The following DSTYK variants were observed in gnomAD, a reference collection of about 807,000 sequenced individuals.
The protein encoded by DSTYK is RIP-homologous kinase.
A neutral mutation model predicts 98.7 loss-of-function variants in DSTYK; 34 were observed. The observed-to-expected ratio is 0.34, with a 90% CI of 0.26 to 0.46. The LOEUF is 0.46. DSTYK is among the 20% of genes least tolerant of loss of function. The pLI, the probability that DSTYK is intolerant of heterozygous loss-of-function variation, is 1.00. For missense variants in DSTYK, 962 were observed against 1,181.7 expected (o/e 0.81, Z 2.73); for synonymous variants, 462 against 457.3 (o/e 1.01, Z -0.13).
rs114651224 is a variant in DSTYK at position 205,177,900 on chromosome 1, T to C, written c.655-8068A>G. On this transcript the variant is annotated intron_variant, in intron 2 of 12. Coordinates refer to ENST00000367162, the MANE Select transcript of DSTYK (RefSeq NM_015375.3). Reference sequence around the variant, plus strand: ...AAAAAGAAAAAGAAAATACCTTGACTCTTTTTGGTACATATACTTTCCAAG... The same window carrying C: ...AAAAAGAAAAAGAAAATACCTTGACCCTTTTTGGTACATATACTTTCCAAG... Among the ~76,000 whole-genome samples, 1,299 of 151,908 alleles carry C rather than the reference T, an allele frequency of 8.6e-3. 22 individuals carry two copies. The highest frequency in any genetic ancestry group is 0.03 in the African/African-American group (1,243 of 41,438).
intron 2 of DSTYK, among the ~76,000 whole-genome samples, chr1:205,186,850 C>T (rs1264854930): frequency 6.6e-6 from 1 of 152,192 alleles, no homozygotes; most frequent in Non-Finnish European, 1.5e-5. Flanking sequence ...AGGATCTCCG[C>T]GTCTCCTTAC....
intron 1 of DSTYK, among the ~76,000 whole-genome samples, chr1:205,201,574 GC>G (rs1195087660): frequency 6.6e-6 from 1 of 151,964 alleles, no homozygotes; most frequent in Non-Finnish European, 1.5e-5. Context: ...GAATTAAATT[GC>G]ATTTAATTTC....
In DSTYK at chr1:205,160,899, G is replaced by C. The variant is rs528454237; in HGVS notation, c.1948+359C>G. Among the ~76,000 whole-genome samples the C allele has an allele frequency of 1.1e-3, 166 of 151,694 alleles. 1 individual carries two copies. The highest frequency in any genetic ancestry group is 3.8e-3 in the African/African-American group (156 of 41,376). The stretch of plus-strand genomic sequence containing the variant: ...CTGGGTTCAAGTGAATCTTCTGCCT[G>C]AGCCTCCTGAGGAGCTGGGGTTGCA... On this transcript the variant is annotated intron_variant, in intron 7 of 12. Transcript: ENST00000367162.
chr1:205,170,485 T>C (rs1658026650), intron 2 of DSTYK, among the ~76,000 whole-genome samples: 1 of 152,226 alleles, frequency 6.6e-6, no homozygotes, highest in African/African-American at 2.4e-5. Context: ...TTTTGCTTAC[T>C]ATCGTAGCTC....
intron 10 of DSTYK, among the ~76,000 whole-genome samples, chr1:205,152,182 G>A (rs1164442098): frequency 6.6e-6 from 1 of 152,036 alleles, no homozygotes; most frequent in Non-Finnish European, 1.5e-5. Flanking sequence ...TTTTTTGTTT[G>A]TTTTTGTTTT....
At chr1:205,183,304 A>C (rs1658473030) in intron 2 of DSTYK, among the ~76,000 whole-genome samples, 1 of 152,212 alleles carries the variant, frequency 6.6e-6, no homozygotes, top group Admixed American at 6.5e-5. Flanking sequence ...GAAAGTGACT[A>C]TATTTGAACA....
Position 205,169,010 on chromosome 1 carries a change from G to A in DSTYK, c.1324+153C>T, listed in dbSNP as rs139535182. Among the ~76,000 whole-genome samples, 15 of 152,296 alleles carry A rather than the reference G, an allele frequency of 9.8e-5. No homozygotes were observed. The East Asian group carries it at 2.5e-3, about 26-fold the overall frequency. ...CTTTGAGAGCAAGAGAGGCCACCTT[G>A]GCTAAATAGTGGGCTCCTGCTGGTA... On this transcript the variant is annotated intron_variant, in intron 3 of 12. Coordinates refer to ENST00000367162, the MANE Select transcript of DSTYK (RefSeq NM_015375.3). This position sits in a 1 kb window ranked among gnomAD's most constrained non-coding sequence, Gnocchi z 4.0.
In DSTYK at chr1:205,211,550, CTG is replaced by C. The variant is rs1659388299; in HGVS notation, c.-17_-16del. 1 of 1,491,768 alleles carries C rather than the reference CTG, an allele frequency of 6.7e-7. No individual in the cohort carries two copies. The highest frequency in any genetic ancestry group is 1.3e-5 in the South Asian group (1 of 74,688). The allele number at this position is 1,491,768 out of a possible 1,614,324, so 92.4% of individuals were successfully genotyped here. A position where few individuals can be genotyped will look rare whatever the true frequency, so the allele number is the denominator to read the frequency against. On this transcript the variant is annotated 5_prime_UTR_variant, in exon 1 of 13. Coordinates refer to ENST00000367162, the MANE Select transcript of DSTYK (RefSeq NM_015375.3). Reference sequence around the variant, plus strand: ...TCGCCCTCCATCGCCTCTGCCCGCTCTGTCTTTGCGGCTCGGTCCCCGGCCGC... The same window carrying C: ...TCGCCCTCCATCGCCTCTGCCCGCTCTCTTTGCGGCTCGGTCCCCGGCCGC...
At chr1:205,151,821 G>A (rs1198210492) in intron 10 of DSTYK, among the ~76,000 whole-genome samples, 2 of 151,912 alleles carry the variant, frequency 1.3e-5, no homozygotes, top group African/African-American at 2.4e-5. Flanking sequence ...TGTCCCACTG[G>A]AAGGTTTTCG....
chr1:205,167,293 A>G (rs1226213051), intron 3 of DSTYK, among the ~76,000 whole-genome samples: 2 of 152,072 alleles, frequency 1.3e-5, no homozygotes, highest in Non-Finnish European at 2.9e-5. Context: ...CCAGGTGTGC[A>G]GGGGGCTGAG....
intron 1 of DSTYK, among the ~76,000 whole-genome samples, chr1:205,200,689 G>A (rs559297044): frequency 2.3e-4 from 35 of 152,302 alleles, no homozygotes; most frequent in Non-Finnish European, 4.6e-4. Flanking sequence ...ACCAATGCGT[G>A]TCCTGTGCCT....
chr1:205,151,457 T>C (rs1050296423), intron 10 of DSTYK, among the ~76,000 whole-genome samples: 2 of 151,918 alleles, frequency 1.3e-5, no homozygotes, highest in African/African-American at 4.9e-5. Context: ...TGTACAAAAA[T>C]AGTGGCTTTT....
At chr1:205,152,227 G>A (rs1001989177) in intron 10 of DSTYK, among the ~76,000 whole-genome samples, 4 of 152,178 alleles carry the variant, frequency 2.6e-5, no homozygotes, top group African/African-American at 7.2e-5. Context: ...GCCTAGGCTG[G>A]AGTGCAATGG....
chr1:205,193,660 C>T (rs1475056269), intron 1 of DSTYK, among the ~76,000 whole-genome samples: 1 of 152,126 alleles, frequency 6.6e-6, no homozygotes, highest in African/African-American at 2.4e-5. Context: ...CACTTGAGGT[C>T]AGGAGTTCGA....
At chr1:205,204,249 T>C (rs944458744) in intron 1 of DSTYK, among the ~76,000 whole-genome samples, 1 of 152,164 alleles carries the variant, frequency 6.6e-6, no homozygotes, top group Non-Finnish European at 1.5e-5. Context: ...AGAGTCTCTT[T>C]ACTGCCAGGG....
chr1:205,162,253 A>G, intron 5 of DSTYK, 41 bp from the exon 6 acceptor site: 1 of 1,603,488 alleles, frequency 6.2e-7, no homozygotes, highest in Non-Finnish European at 8.5e-7. Context: ...GGAATGAGAG[A>G]CAAGAACCAC....
chr1:205,195,602 TA>T (rs1330023887), intron 1 of DSTYK, among the ~76,000 whole-genome samples: 3 of 152,184 alleles, frequency 2.0e-5, no homozygotes, highest in Admixed American at 1.3e-4. Flanking sequence ...AGGGGATGGT[TA>T]TTGAAGATTA....
Position 205,148,266 on chromosome 1 carries a change from C to T in DSTYK, c.2541G>A (p.Lys847=). Residue 847 remains lysine, a synonymous_variant, in exon 12 of 13, where the codon AAG becomes AAA. Transcript: ENST00000367162. Reference sequence around the variant, plus strand: ...CACACCTCTCAAATGCCTCAGGGAGCTTGACAGAGCCTGAGCAGATATACC... The same window carrying T: ...CACACCTCTCAAATGCCTCAGGGAGTTTGACAGAGCCTGAGCAGATATACC... The part of the protein sequence containing the change: ...LFWYICSGSV[K]LPEAFERCAS... 1.9e-6 allele frequency: 3 copies of T among 1,614,120 alleles called. No homozygotes were observed. Among genetic ancestry groups the T allele is most frequent in the Non-Finnish European group, 1.7e-6 (2 of 1,180,004 alleles).
Position 205,147,575 on chromosome 1 carries a change from G to A in DSTYK, c.2773C>T (p.Leu925=), listed in dbSNP as rs1185317089. The A allele has an allele frequency of 1.2e-6, 2 of 1,610,386 alleles. No individual in the cohort carries two copies. Among genetic ancestry groups the A allele is most frequent in the African/African-American group, 1.3e-5 (1 of 75,006 alleles). ...KSNSEQPNRG[L]DDST ...CTTTGCTTTCAAGTAGAATCATCTA[G>A]TCCTCTGTTTGGCTGCTCAGAATTG... The change falls in exon 13 of 13, where the codon CTA becomes TTA. Residue 925 remains leucine, a synonymous_variant. Coordinates refer to ENST00000367162, the MANE Select transcript of DSTYK (RefSeq NM_015375.3).
Sources: gnomAD v4.1 joint callset for allele counts (sites outside exome capture counted in the v4.1 genomes callset) on GRCh38, gnomAD v4.1.1 for gene constraint, Gnocchi (gnomAD v3.1) non-coding constraint, MANE v1.5 for transcripts, NCBI Gene and HGNC (gene_info 2026-07-23, HGNC 2026-07-21) for gene names.